The following MAEL variants were observed in gnomAD, a reference collection of about 807,000 sequenced individuals.
MAEL encodes protein maelstrom homolog.
In MAEL, 46 loss-of-function variants were observed where a neutral mutation model predicts 62.0. The ratio of observed to expected loss-of-function variants is 0.74; its 90% confidence interval spans 0.59 to 0.95. MAEL has a LOEUF of 0.95. MAEL is among the 40% of genes least tolerant of loss of function. The pLI, the probability that MAEL is intolerant of heterozygous loss-of-function variation, is 0.00. For synonymous variants in MAEL, 172 were observed against 175.5 expected (o/e 0.98, Z 0.16); for missense variants, 497 against 526.8 (o/e 0.94, Z 0.55).
intron 3 of MAEL, among the ~76,000 whole-genome samples, chr1:166,991,782 TA>T (rs1293416542): frequency 1.3e-5 from 2 of 152,124 alleles, no homozygotes; most frequent in African/African-American, 4.8e-5. Flanking sequence ...AAAACAAAAG[TA>T]AACAGGTGGA....
chr1:166,980,206 T>C (rs2102056683), intron 1 of MAEL, among the ~76,000 whole-genome samples: 1 of 152,166 alleles, frequency 6.6e-6, no homozygotes, highest in East Asian at 1.9e-4. Context: ...TATTTTTTTT[T>C]TTAGAGACTG....
chr1:166,985,751 C>G (rs778239710), upstream of MAEL, among the ~76,000 whole-genome samples: 15 of 152,130 alleles, frequency 9.9e-5, no homozygotes, highest in Non-Finnish European at 2.1e-4. Flanking sequence ...GTAAAATTTA[C>G]AATGACCAGC....
At position 167,005,284 on chromosome 1, in the gene MAEL, T is replaced by C. The variant is rs889650004; in HGVS notation, c.732T>C (p.Thr244=). The C allele has an allele frequency of 3.1e-6, 5 of 1,613,368 alleles. No homozygotes were observed. The African/African-American group carries it at 6.7e-5, about 22-fold the overall frequency. Residue 244 remains threonine, a synonymous_variant, in exon 8 of 12, where the codon ACT becomes ACC. Coordinates refer to ENST00000367872, the MANE Select transcript of MAEL (RefSeq NM_032858.3). ...TCAGGCAAGATCTACAACTTCTCAC[T>C]GTAGAGGACCTTGTAGTGGGGATCT... ...SEIRQDLQLL[T]VEDLVVGIYQ...
intron 5 of MAEL, among the ~76,000 whole-genome samples, chr1:166,995,277 G>A (rs1308965726): frequency 6.6e-6 from 1 of 151,508 alleles, no homozygotes; most frequent in African/African-American, 2.4e-5. Context: ...TTATGCTCTT[G>A]TTACCCAGGC....
chr1:167,005,412 TTTG>T lies in MAEL; in HGVS notation c.845+18_845+20del. On this transcript the variant is annotated intron_variant, in intron 8 of 11. Transcript: ENST00000367872. ...AGCAACACAAGGTATTGCTAGCATT[TTTG>T]TTTTAGAGTCATTTTGACTTATTTT... 2 of 1,581,680 alleles carry T rather than the reference TTTG, an allele frequency of 1.3e-6. No individual in the cohort carries two copies. Among genetic ancestry groups the T allele is most frequent in the Non-Finnish European group, 1.7e-6 (2 of 1,164,898 alleles).
chr1:166,986,006 A>G (rs1005616874), upstream of MAEL, among the ~76,000 whole-genome samples: 3 of 152,224 alleles, frequency 2.0e-5, no homozygotes, highest in African/African-American at 7.2e-5. Flanking sequence ...AAACGACCCA[A>G]TCAACTTCTA....
chr1:166,979,227 G>A (rs897191650), intron 1 of MAEL, among the ~76,000 whole-genome samples: 4 of 152,060 alleles, frequency 2.6e-5, no homozygotes, highest in Admixed American at 2.0e-4. Context: ...AGGAATATAC[G>A]AAGTATGACT....
At chr1:166,981,061 A>G (rs1210328794) in intron 1 of MAEL, among the ~76,000 whole-genome samples, 1 of 152,220 alleles carries the variant, frequency 6.6e-6, no homozygotes, top group East Asian at 1.9e-4. Context: ...CTAGAATGAG[A>G]AGGCCAGAAC....
At chr1:166,991,302 T>C (rs1356714177) in intron 2 of MAEL, 76 bp from the exon 3 acceptor site, 15 of 883,256 alleles carry the variant, frequency 1.7e-5, no homozygotes, top group African/African-American at 4.9e-5. Flanking sequence ...TTTGCAGTTA[T>C]TTAGCTAAAT....
chr1:167,001,127 T>C (rs1416512111), intron 5 of MAEL, among the ~76,000 whole-genome samples: 1 of 152,140 alleles, frequency 6.6e-6, no homozygotes, highest in Non-Finnish European at 1.5e-5. Flanking sequence ...CTGGATGGGA[T>C]TGGAGACTGT....
chr1:166,991,355 CCAAT>C lies in MAEL; in HGVS notation c.226-20_226-17del, dbSNP rs1664165699. The C allele has an allele frequency of 6.7e-7, 1 of 1,482,118 alleles. No individual in the cohort carries two copies. Among genetic ancestry groups the C allele is most frequent in the African/African-American group, 1.4e-5 (1 of 72,342 alleles). The allele number at this position is 1,482,118 out of a possible 1,614,324, so 91.8% of individuals were successfully genotyped here. On this transcript the variant is annotated intron_variant, in intron 2 of 11. Transcript: ENST00000367872. ...AAGTGCCCAGCAAGAGTTTATGTGGCCAATCATTCTCTTCCTCTTTAGAAACCTG... is the reference window on the plus strand; with the variant it reads ...AAGTGCCCAGCAAGAGTTTATGTGGCCATTCTCTTCCTCTTTAGAAACCTG...
chr1:166,998,031 C>G (rs922852648), intron 5 of MAEL, among the ~76,000 whole-genome samples: 1 of 152,078 alleles, frequency 6.6e-6, no homozygotes, highest in Non-Finnish European at 1.5e-5. Context: ...CTTTTGTTCT[C>G]TTTATTCTGT....
At chr1:167,006,578 A>G (rs1394403923) in intron 8 of MAEL, among the ~76,000 whole-genome samples, 1 of 135,688 alleles carries the variant, frequency 7.4e-6, no homozygotes, top group Non-Finnish European at 1.6e-5. Flanking sequence ...ATATTTCTCT[A>G]TTGGAAAGTT....
intron 10 of MAEL, among the ~76,000 whole-genome samples, chr1:167,018,226 A>G (rs572723170): frequency 6.6e-6 from 1 of 152,330 alleles, no homozygotes; most frequent in East Asian, 1.9e-4. Flanking sequence ...AACATTTCCA[A>G]AGATTTATTC....
At chr1:166,991,290 G>GT (rs1313726753) in intron 2 of MAEL, 88 bp from the exon 3 acceptor site, 1 of 793,600 alleles carries the variant, frequency 1.3e-6, no homozygotes, top group African/African-American at 1.7e-5. Context: ...TCTATAGGCT[G>GT]TTTTGCAGTT....
At chr1:167,002,445 A>T (rs2102092424) in intron 5 of MAEL, among the ~76,000 whole-genome samples, 1 of 152,290 alleles carries the variant, frequency 6.6e-6, no homozygotes, top group African/African-American at 2.4e-5. Flanking sequence ...TCTGTTGGTT[A>T]TGGTGATGTT....
chr1:166,985,238 G>A (rs1239432002), upstream of MAEL, among the ~76,000 whole-genome samples: 1 of 152,144 alleles, frequency 6.6e-6, no homozygotes, highest in Non-Finnish European at 1.5e-5. Context: ...TCCTTGAGTT[G>A]AGGAGATGGA....
At chr1:166,996,820 C>T (rs1049301716) in intron 5 of MAEL, among the ~76,000 whole-genome samples, 4 of 152,120 alleles carry the variant, frequency 2.6e-5, no homozygotes, top group Admixed American at 6.6e-5. Flanking sequence ...TTTGGGCTCC[C>T]GTGGGCCACA....
upstream of MAEL, among the ~76,000 whole-genome samples, chr1:166,985,603 T>C (rs1320937270): frequency 2.6e-5 from 4 of 152,138 alleles, no homozygotes; most frequent in African/African-American, 7.2e-5. Context: ...ATTGCTCTGA[T>C]CTCAAATAAC....
Sources: allele counts gnomAD v4.1 joint callset (sites outside exome capture counted in the v4.1 genomes callset), GRCh38; gene constraint gnomAD v4.1.1; transcripts MANE v1.5; gene names NCBI Gene and HGNC (gene_info 2026-07-23, HGNC 2026-07-21).